The following RTL9 variants were observed in gnomAD, a reference collection of about 807,000 sequenced individuals.
RTL9 encodes the protein retrotransposon Gag like 9.
A neutral mutation model predicts 44.7 loss-of-function variants in RTL9; 19 were observed. The ratio of observed to expected loss-of-function variants is 0.42; its 90% CI spans 0.30 to 0.62. RTL9 has a LOEUF of 0.62. Among genes scored for constraint, RTL9 ranks in the 20% least tolerant of loss-of-function variants. RTL9 has a pLI of 0.16. For missense variants in RTL9, 1,105 were observed against 1,080.6 expected, an observed-to-expected ratio of 1.02 and a Z score of -0.32; for synonymous variants, 407 against 398.9, an observed-to-expected ratio of 1.02 and a Z score of -0.24.
intron 1 of RTL9, among the ~76,000 whole-genome samples, chrX:110,377,707 T>C (rs1300643684): frequency 9.0e-6 from 1 of 111,375 alleles, no homozygotes; most frequent in Non-Finnish European, 1.9e-5. Flanking sequence ...CTGCACACAT[T>C]TTTGATTTGT....
chrX:110,451,484 A>G lies in RTL9; in HGVS notation c.867A>G (p.Gln289=), dbSNP rs955432014. The G allele has an allele frequency of 4.1e-6, 5 of 1,210,055 alleles. No homozygotes were observed. The African/African-American group carries it at 7.0e-5, about 17-fold the overall frequency. Reference sequence around the variant, plus strand: ...CATCACCCCAGCCAACAAGCACCCAAAACTCTGGGGGAATACCTACCCCGC... The same window carrying G: ...CATCACCCCAGCCAACAAGCACCCAGAACTCTGGGGGAATACCTACCCCGC... The change falls in exon 1 of 2, where the codon CAA becomes CAG. Residue 289 remains glutamine, a synonymous_variant. Transcript: ENST00000540313.
At chrX:110,444,465 G>A (rs1036435970) in intron 1 of RTL9, among the ~76,000 whole-genome samples, 3 of 112,629 alleles carry the variant, frequency 2.7e-5, no homozygotes, top group Admixed American at 9.3e-5. Flanking sequence ...GCAGTCCACC[G>A]TGCAATGAGA....
intron 1 of RTL9, among the ~76,000 whole-genome samples, chrX:110,429,405 G>A (rs1299780375): frequency 9.1e-6 from 1 of 109,828 alleles, no homozygotes; most frequent in Non-Finnish European, 1.9e-5. Context: ...CATTGAAGGA[G>A]TCACCTCACT....
At chrX:110,416,704 A>G (rs1197352574), upstream of RTL9, among the ~76,000 whole-genome samples, 2 of 111,943 alleles carry the variant, frequency 1.8e-5, no homozygotes, top group Non-Finnish European at 3.8e-5. Context: ...AGTATTTTCC[A>G]CCATTAAAGC....
chrX:110,386,262 G>T (rs1029552691), intron 1 of RTL9, among the ~76,000 whole-genome samples: 1 of 107,515 alleles, frequency 9.3e-6, no homozygotes, highest in Non-Finnish European at 1.9e-5. Flanking sequence ...TGGGAATGAT[G>T]GTTTCAATTT....
intron 1 of RTL9, among the ~76,000 whole-genome samples, chrX:110,383,703 C>A (rs1220088529): frequency 8.9e-6 from 1 of 112,044 alleles, no homozygotes; most frequent in Admixed American, 9.5e-5. Context: ...TCCTTTAAGA[C>A]CCTGCTCAAC....
intron 1 of RTL9, among the ~76,000 whole-genome samples, chrX:110,405,291 G>A (rs1425924848): frequency 8.9e-6 from 1 of 111,838 alleles, no homozygotes; most frequent in Non-Finnish European, 1.9e-5. Context: ...GTAAAGAGGG[G>A]AACATTAAAA....
chrX:110,444,236 G>A (rs2068897198), intron 1 of RTL9, among the ~76,000 whole-genome samples: 1 of 112,852 alleles, frequency 8.9e-6, no homozygotes, highest in African/African-American at 3.2e-5. Context: ...GCTTGAATCC[G>A]CACTTGGCAA....
chrX:110,404,960 A>G (rs2068588684), intron 1 of RTL9, among the ~76,000 whole-genome samples: 1 of 111,026 alleles, frequency 9.0e-6, no homozygotes, highest in Non-Finnish European at 1.9e-5. Context: ...TGAAACGGCC[A>G]TTGTCATTTC....
chrX:110,420,506 C>T (rs1249622676), intron 1 of RTL9, among the ~76,000 whole-genome samples: 3 of 111,960 alleles, frequency 2.7e-5, no homozygotes, highest in Non-Finnish European at 5.6e-5. Flanking sequence ...CTGGGTAAAC[C>T]AAAGCAGTGT....
chrX:110,391,712 C>A (rs763622390), intron 1 of RTL9, among the ~76,000 whole-genome samples: 2 of 112,268 alleles, frequency 1.8e-5, no homozygotes, highest in Admixed American at 9.4e-5. Flanking sequence ...TCTATATATA[C>A]AAAGCCATAA....
At chrX:110,414,655 T>G (rs956055863), upstream of RTL9, among the ~76,000 whole-genome samples, 4 of 112,709 alleles carry the variant, frequency 3.5e-5, no homozygotes, top group Admixed American at 9.3e-5. Context: ...TTCCTTATCT[T>G]GATGAATTAT....
upstream of RTL9, among the ~76,000 whole-genome samples, chrX:110,416,940 G>A (rs1347189536): frequency 2.7e-5 from 3 of 112,078 alleles, no homozygotes; most frequent in Admixed American, 9.4e-5. Context: ...GCTTTCTCCC[G>A]ATATCTTCAT....
intron 1 of RTL9, among the ~76,000 whole-genome samples, chrX:110,441,573 A>G (rs2068880228): frequency 8.9e-6 from 1 of 112,469 alleles, no homozygotes; most frequent in South Asian, 3.7e-4. Flanking sequence ...TACAGTTCAA[A>G]ATATTTGGAT....
chrX:110,363,001 G>A (rs2068274268), intron 1 of RTL9, among the ~76,000 whole-genome samples: 2 of 112,080 alleles, frequency 1.8e-5, no homozygotes, highest in African/African-American at 6.5e-5. Context: ...AGAAAAGGAA[G>A]CTAGCATTTC....
Position 110,398,956 on chromosome X carries a change from A to G in RTL9, c.-168+40040A>G, listed in dbSNP as rs772061198. ...TTTTGCTCATTAGGAAAAAAATGCT[A>G]TGACTGATTATTGATACCTGCCATA... On this transcript the variant is annotated intron_variant, in intron 1 of 2. Transcript: ENST00000520821. 4.5e-5 allele frequency among the ~76,000 whole-genome samples: 5 copies of G among 112,107 alleles called. No homozygotes were observed. In the South Asian group the frequency reaches 1.1e-3, roughly 25 times the overall value.
At chrX:110,398,723 C>T (rs779784622) in intron 1 of RTL9, among the ~76,000 whole-genome samples, 1 of 112,090 alleles carries the variant, frequency 8.9e-6, no homozygotes, top group South Asian at 3.7e-4. Flanking sequence ...CTCTCTGAAC[C>T]TTGAACCCTT....
At chrX:110,454,835 A>G (rs767144176) in intron 1 of RTL9, among the ~76,000 whole-genome samples, 171 bp downstream of exon 3, 2 of 111,714 alleles carry the variant, frequency 1.8e-5, no homozygotes, top group Non-Finnish European at 1.9e-5. Context: ...CTCTGCAGTT[A>G]TTTTGGGTAT....
intron 1 of RTL9, among the ~76,000 whole-genome samples, chrX:110,363,510 T>C (rs981688143): frequency 8.9e-6 from 1 of 112,120 alleles, no homozygotes; most frequent in Non-Finnish European, 1.9e-5. Flanking sequence ...AACACAACTG[T>C]AGCCTTGGAA....
Sources: gnomAD v4.1 joint callset for allele counts (sites outside exome capture counted in the v4.1 genomes callset) on GRCh38, gnomAD v4.1.1 for gene constraint, MANE v1.5 for transcripts, NCBI Gene and HGNC (gene_info 2026-07-23, HGNC 2026-07-21) for gene names.